The following ATF7IP variants were observed in gnomAD, a reference collection of about 807,000 sequenced individuals.
ATF7IP encodes the protein activating transcription factor 7-interacting protein 1.
A neutral mutation model predicts 106.4 loss-of-function variants in ATF7IP; 23 were observed. The ratio of observed to expected loss-of-function variants is 0.22; its 90% CI spans 0.16 to 0.31. ATF7IP has a LOEUF of 0.31. Among genes scored for constraint, ATF7IP ranks in the 10% least tolerant of loss-of-function variants. The pLI, the probability that ATF7IP is intolerant of heterozygous loss-of-function variation, is 1.00. For missense variants in ATF7IP, 1,334 were observed against 1,524.3 expected, an observed-to-expected ratio of 0.88 and a Z score of 2.08; for synonymous variants, 542 against 539.0, an observed-to-expected ratio of 1.01 and a Z score of -0.08.
rs148750647 is a variant in ATF7IP at position 14,485,572 on chromosome 12, G to A, written c.3280+4387G>A. On this transcript the variant is annotated intron_variant, in intron 13 of 14. Transcript: ENST00000261168. Reference sequence around the variant, plus strand: ...GTGATATCTTCCAGGAGCAAAAACCGATCAAGGTCTCTCTGAATAAGATTA... The same window carrying A: ...GTGATATCTTCCAGGAGCAAAAACCAATCAAGGTCTCTCTGAATAAGATTA... Among the ~76,000 whole-genome samples, 5 of 152,280 alleles carry A rather than the reference G, an allele frequency of 3.3e-5. No individual in the cohort carries two copies. The East Asian group carries it at 7.7e-4, about 24-fold the overall frequency.
chr12:14,373,166 G>C (rs1938596214), intron 1 of ATF7IP, among the ~76,000 whole-genome samples: 1 of 152,156 alleles, frequency 6.6e-6, no homozygotes, highest in Non-Finnish European at 1.5e-5. Flanking sequence ...ATAGGAAAAA[G>C]CATGTAAGGG....
At chr12:14,410,845 A>G (rs764374000) in intron 1 of ATF7IP, among the ~76,000 whole-genome samples, 22 of 152,070 alleles carry the variant, frequency 1.4e-4, no homozygotes, top group Non-Finnish European at 2.6e-4. Context: ...TGTATCTTCT[A>G]TGGATAAGGG....
At chr12:14,475,350 T>G (rs1012931601) in intron 10 of ATF7IP, among the ~76,000 whole-genome samples, 6 of 152,222 alleles carry the variant, frequency 3.9e-5, no homozygotes, top group South Asian at 2.1e-4. Context: ...CATGTGGTTT[T>G]AAAGGTTTTT....
intron 10 of ATF7IP, among the ~76,000 whole-genome samples, chr12:14,471,744 G>A (rs1020254282): frequency 6.6e-6 from 1 of 152,094 alleles, no homozygotes; most frequent in East Asian, 1.9e-4. Context: ...TATGAGAATA[G>A]CATGGGGGAA....
intron 14 of ATF7IP, among the ~76,000 whole-genome samples, chr12:14,497,237 C>A (rs1377238581): frequency 6.6e-6 from 1 of 152,070 alleles, no homozygotes; most frequent in African/African-American, 2.4e-5. Context: ...TTGTATTCTC[C>A]AATTTTATAT....
chr12:14,429,806 G>A (rs911111633), intron 2 of ATF7IP, among the ~76,000 whole-genome samples: 7 of 152,150 alleles, frequency 4.6e-5, no homozygotes, highest in African/African-American at 1.7e-4. Flanking sequence ...GAGCTTCTTA[G>A]TTCTATTCAC....
chr12:14,460,225 C>T (rs1943585105), intron 8 of ATF7IP, among the ~76,000 whole-genome samples: 1 of 152,014 alleles, frequency 6.6e-6, no homozygotes, highest in African/African-American at 2.4e-5. Context: ...TAGTAATTTT[C>T]AGAGACCGTT....
rs774644529 is a variant in ATF7IP, at chr12:14,460,565, T to G, written c.2229T>G (p.Thr743=). The change falls in exon 9 of 15, where the codon ACT becomes ACG. Residue 743 remains threonine (T), a synonymous_variant. Transcript: ENST00000261168. The part of the protein sequence containing the change: ...SSQPKLQTPV[T]SGSLTATSVL... ...AACCTAAATTGCAGACTCCAGTGAC[T>G]TCGGGTTCCCTCACAGCAACGTCAG... 2.5e-6 allele frequency: 4 copies of G among 1,614,172 alleles called. No homozygotes were observed. Among genetic ancestry groups the G allele is most frequent in the Non-Finnish European group, 3.4e-6 (4 of 1,180,028 alleles).
At chr12:14,445,432 C>T (rs987406790) in intron 5 of ATF7IP, among the ~76,000 whole-genome samples, 1 of 151,850 alleles carries the variant, frequency 6.6e-6, no homozygotes. Context: ...GTCACCCATC[C>T]GCCCACCTTG....
At chr12:14,423,853 A>G in intron 1 of ATF7IP, 56 bp from the exon 2 acceptor site, 2 of 1,511,230 alleles carry the variant, frequency 1.3e-6, no homozygotes, top group Non-Finnish European at 1.8e-6. Context: ...TATTAAGTCT[A>G]CAATTAGGTG....
chr12:14,396,236 T>A (rs948720982), intron 1 of ATF7IP, among the ~76,000 whole-genome samples: 1 of 151,574 alleles, frequency 6.6e-6, no homozygotes, highest in African/African-American at 2.4e-5. Flanking sequence ...TCTTTAGAAG[T>A]CAAGCAGCAG....
chr12:14,418,666 T>C (rs1472176385), intron 1 of ATF7IP, among the ~76,000 whole-genome samples: 1 of 152,232 alleles, frequency 6.6e-6, no homozygotes, highest in Non-Finnish European at 1.5e-5. Flanking sequence ...GATTGGTTTG[T>C]ACAGATATGG....
intron 2 of ATF7IP, 124 bp from the exon 3 acceptor site, chr12:14,434,213 C>T: frequency 3.3e-6 from 2 of 606,852 alleles, no homozygotes; most frequent in South Asian, 4.4e-5. Flanking sequence ...CCAAATTTTA[C>T]ATTTTGGGAC....
At chr12:14,478,551 A>G in intron 12 of ATF7IP, 79 bp downstream of exon 12, 1 of 1,492,320 alleles carries the variant, frequency 6.7e-7, no homozygotes, top group South Asian at 1.2e-5. Context: ...GTGGAAAGAT[A>G]AGACAGAAAA....
At chr12:14,381,187 G>A (rs954587069) in intron 1 of ATF7IP, among the ~76,000 whole-genome samples, 10 of 152,274 alleles carry the variant, frequency 6.6e-5, no homozygotes, top group Middle Eastern at 3.4e-3. Flanking sequence ...ACTGCAGCTT[G>A]GAATATTGTA....
chr12:14,455,125 C>G (rs112863743), intron 6 of ATF7IP, among the ~76,000 whole-genome samples: 308 of 151,148 alleles, frequency 2.0e-3, no homozygotes, highest in African/African-American at 6.8e-3. Context: ...CTAGAGTGAG[C>G]CAAGATGGTG....
chr12:14,424,267 A>C lies in ATF7IP; in HGVS notation c.352A>C (p.Thr118Pro), dbSNP rs778295404. ...NCEPLSPHNI[T>P]PEPVSKLPAE... ...TGAACCTTTGTCTCCCCATAATATA[A>C]CTCCAGAACCAGTCTCTAAACTGCC... is the stretch of plus-strand genomic sequence containing the variant. Residue 118 changes from threonine (T) to proline (P), a missense_variant, in exon 2 of 15, where the codon ACT (threonine) becomes CCT (proline). By Grantham distance (38) the Thr-to-Pro change is conservative. Around this residue, in one of 10 missense-constraint regions of ATF7IP, gnomAD observed 438 missense variants for 405.3 expected, o/e 1.08. Transcript: ENST00000261168. The C allele has an allele frequency of 1.2e-6, 2 of 1,614,018 alleles. No homozygotes were observed. Among genetic ancestry groups the C allele is most frequent in the South Asian group, 2.2e-5 (2 of 91,058 alleles).
chr12:14,502,161 G>A lies in ATF7IP; in HGVS notation c.*4088G>A, dbSNP rs1211652270. ...CTGTTTTATTCTAATTTCCAGAAAA[G>A]TCAAGTCCCAGTATTTGCAATATCA... On this transcript the variant is annotated 3_prime_UTR_variant, in exon 15 of 15. Transcript: ENST00000261168. The A allele has an allele frequency of 6.6e-6, 1 of 152,186 alleles. No individual in the cohort carries two copies. The highest frequency in any genetic ancestry group is 1.5e-5 in the Non-Finnish European group (1 of 68,026). 9.4% of individuals were successfully genotyped at this position (152,186 alleles called of 1,614,324 possible). A position where few individuals can be genotyped will look rare whatever the true frequency, so the allele number is the denominator to read the frequency against.
intron 9 of ATF7IP, among the ~76,000 whole-genome samples, chr12:14,462,582 T>C (rs904287430): frequency 6.6e-6 from 1 of 152,040 alleles, no homozygotes; most frequent in African/African-American, 2.4e-5. Flanking sequence ...TTGTTTAATG[T>C]CATGCTTGTA....
Sources: gnomAD v4.1 joint callset for allele counts (sites outside exome capture counted in the v4.1 genomes callset) on GRCh38, gnomAD v4.1.1 for gene constraint, gnomAD v4.1.1 regional missense constraint, MANE v1.5 for transcripts, NCBI Gene and HGNC (gene_info 2026-07-23, HGNC 2026-07-21) for gene names.